Variants in ZBTB20 observed in about 807,000 individuals in gnomAD.
The protein encoded by ZBTB20 is zinc finger and BTB domain containing 20.
A neutral mutation model predicts 56.9 loss-of-function variants in ZBTB20; 9 were observed. The ratio of observed to expected loss-of-function variants is 0.16; its 90% CI spans 0.10 to 0.28. The LOEUF (loss-of-function observed/expected upper bound fraction) is 0.28. ZBTB20 is among the 10% of genes least tolerant of loss of function. The pLI is 1.00. For missense variants in ZBTB20, 655 were observed against 1,003.0 expected, an observed-to-expected ratio of 0.65 and a Z score of 4.69; for synonymous variants, 417 against 420.7, an observed-to-expected ratio of 0.99 and a Z score of 0.11.
At chr3:114,681,022 A>C (rs2061936343) in intron 6 of ZBTB20, among the ~76,000 whole-genome samples, 1 of 152,244 alleles carries the variant, frequency 6.6e-6, no homozygotes, top group African/African-American at 2.4e-5. Flanking sequence ...AAGACAGACT[A>C]ACATTTACAA....
intron 1 of ZBTB20, among the ~76,000 whole-genome samples, chr3:115,115,782 G>T (rs1455435162): frequency 1.3e-5 from 2 of 151,996 alleles, no homozygotes; most frequent in Non-Finnish European, 2.9e-5. Flanking sequence ...AGTCTCACGT[G>T]ACATTAAACA....
intron 6 of ZBTB20, among the ~76,000 whole-genome samples, chr3:114,588,304 C>T (rs923063023): frequency 9.9e-5 from 15 of 152,166 alleles, no homozygotes; most frequent in Non-Finnish European, 2.1e-4. Flanking sequence ...TAACTCAGAG[C>T]TATGCAAATC....
chr3:114,508,091 T>G (rs1406758471), intron 6 of ZBTB20, among the ~76,000 whole-genome samples: 1 of 152,162 alleles, frequency 6.6e-6, no homozygotes, highest in Non-Finnish European at 1.5e-5. Context: ...AATTTCCAAT[T>G]AAAGAAAAAG....
At chr3:115,078,787 G>T (rs1254431655) in intron 1 of ZBTB20, among the ~76,000 whole-genome samples, 1 of 151,768 alleles carries the variant, frequency 6.6e-6, no homozygotes, top group Non-Finnish European at 1.5e-5. Context: ...ACCTTATTAG[G>T]TCTTTTATGT....
At chr3:114,580,770 G>A (rs953592783) in intron 6 of ZBTB20, among the ~76,000 whole-genome samples, 1 of 151,794 alleles carries the variant, frequency 6.6e-6, no homozygotes, top group African/African-American at 2.4e-5. Context: ...ATTTATGATG[G>A]AAATTTTAAA....
At chr3:114,352,015 G>T in intron 10 of ZBTB20, 137 bp from the exon 11 acceptor site, 1 of 1,098,590 alleles carries the variant, frequency 9.1e-7, no homozygotes, top group Non-Finnish European at 1.3e-6. Context: ...TGGGGAGATG[G>T]ACAGGCTGCG....
chr3:114,652,811 T>C (rs2060204470), intron 6 of ZBTB20, among the ~76,000 whole-genome samples: 1 of 152,142 alleles, frequency 6.6e-6, no homozygotes, highest in South Asian at 2.1e-4. Flanking sequence ...TATTCATCTA[T>C]AAATAACGGA....
chr3:114,418,090 A>G (rs1012437589), intron 7 of ZBTB20, among the ~76,000 whole-genome samples: 3 of 152,042 alleles, frequency 2.0e-5, no homozygotes, highest in South Asian at 2.1e-4. Flanking sequence ...CTTCTAGGCT[A>G]ATCTGGCCAT....
At chr3:115,081,855 G>T (rs1560556819) in intron 1 of ZBTB20, among the ~76,000 whole-genome samples, 1 of 152,128 alleles carries the variant, frequency 6.6e-6, no homozygotes, top group Non-Finnish European at 1.5e-5. Context: ...TGAGAAGCAT[G>T]ATATAGATTC....
At chr3:114,836,358 T>TA (rs2074120250) in intron 4 of ZBTB20, among the ~76,000 whole-genome samples, 1 of 152,142 alleles carries the variant, frequency 6.6e-6, no homozygotes, top group Non-Finnish European at 1.5e-5. Context: ...ACAAAGATTT[T>TA]AAAAAATGGA....
intron 7 of ZBTB20, among the ~76,000 whole-genome samples, chr3:114,402,273 A>G (rs901685753): frequency 6.6e-5 from 10 of 152,154 alleles, no homozygotes; most frequent in African/African-American, 1.9e-4. Context: ...ATATGTCAAA[A>G]TGGCTGTTCT....
At chr3:114,759,963 A>C (rs1202557345) in intron 5 of ZBTB20, among the ~76,000 whole-genome samples, 3 of 152,146 alleles carry the variant, frequency 2.0e-5, no homozygotes, top group South Asian at 2.1e-4. Flanking sequence ...AACACACTTG[A>C]GTCCATTATG....
intron 10 of ZBTB20, among the ~76,000 whole-genome samples, chr3:114,358,692 G>A (rs545214377): frequency 2.6e-5 from 4 of 152,028 alleles, no homozygotes; most frequent in Non-Finnish European, 5.9e-5. Context: ...CTGCTTTGGG[G>A]GTCACTTGAA....
intron 7 of ZBTB20, among the ~76,000 whole-genome samples, chr3:114,393,948 T>C (rs9814910): frequency 0.34 from 52,033 of 152,042 alleles, 9,680 homozygotes; most frequent in Non-Finnish European, 0.42. Flanking sequence ...TGTTATGAAA[T>C]ACACTGCCAC....
At chr3:114,507,617 T>C (rs757325188) in intron 6 of ZBTB20, among the ~76,000 whole-genome samples, 1 of 152,172 alleles carries the variant, frequency 6.6e-6, no homozygotes, top group South Asian at 2.1e-4. Flanking sequence ...AGAGCAGTTC[T>C]GAAATTTCTT....
chr3:114,422,669 C>T (rs2718438), intron 7 of ZBTB20, among the ~76,000 whole-genome samples: 138,695 of 152,172 alleles, frequency 0.91, 64,606 homozygotes, highest in East Asian at 1. Flanking sequence ...CTGAAAATTA[C>T]ATTCTGTAGC....
chr3:114,945,084 C>T (rs1401082278), intron 3 of ZBTB20, among the ~76,000 whole-genome samples: 2 of 145,178 alleles, frequency 1.4e-5, no homozygotes, highest in Admixed American at 6.7e-5. Flanking sequence ...CACTGTATCT[C>T]ATAAATATAT....
At chr3:114,974,518 C>G (rs1462365448) in intron 2 of ZBTB20, 102 bp from the exon 3 acceptor site, 1 of 152,092 alleles carries the variant, frequency 6.6e-6, no homozygotes, top group African/African-American at 2.4e-5. Flanking sequence ...TGTATGCCAA[C>G]TAATATCTAT....
At chr3:114,821,186 T>C (rs952711560) in intron 4 of ZBTB20, among the ~76,000 whole-genome samples, 2 of 152,100 alleles carry the variant, frequency 1.3e-5, no homozygotes, top group African/African-American at 4.8e-5. Flanking sequence ...TGGCTCCATA[T>C]TGTGTTTGAA....
Sources: gnomAD v4.1 joint callset for allele counts (sites outside exome capture counted in the v4.1 genomes callset) on GRCh38, gnomAD v4.1.1 for gene constraint, MANE v1.5 for transcripts, NCBI Gene and HGNC (gene_info 2026-07-23, HGNC 2026-07-21) for gene names.